The following ADCY2 variants were observed in gnomAD, a reference collection of about 807,000 sequenced individuals.
The protein encoded by ADCY2 is adenylate cyclase 2, also known as adenylate cyclase type 2.
Under a neutral mutation model 125.2 loss-of-function variants are expected in ADCY2, and 31 were observed. The ratio of observed to expected loss-of-function variants is 0.25; its 90% CI spans 0.19 to 0.33. ADCY2 has a LOEUF of 0.33. ADCY2 is among the 10% of genes least tolerant of loss of function. The probability of loss-of-function intolerance (pLI) is 1.00; values close to 1 mark genes in which losing one functional copy is unlikely to be tolerated. For missense variants in ADCY2, 904 were observed against 1,418.2 expected, an observed-to-expected ratio of 0.64 and a Z score of 5.82; for synonymous variants, 512 against 548.4, an observed-to-expected ratio of 0.93 and a Z score of 0.93.
chr5:7,649,024 G>A (rs1464852056), intron 4 of ADCY2, among the ~76,000 whole-genome samples: 1 of 152,062 alleles, frequency 6.6e-6, no homozygotes, highest in Non-Finnish European at 1.5e-5. Flanking sequence ...TTACATAGTG[G>A]GATCCACTTT....
At chr5:7,748,523 C>CAT (rs1742703757) in intron 15 of ADCY2, among the ~76,000 whole-genome samples, 2 of 42,434 alleles carry the variant, frequency 4.7e-5, no homozygotes, top group Non-Finnish European at 1.2e-4. Flanking sequence ...CCCTCCAACA[C>CAT]ACACACACAC....
chr5:7,717,046 ATGTCATC>A, intron 11 of ADCY2, 104 bp from the exon 12 acceptor site: 1 of 662,184 alleles, frequency 1.5e-6, no homozygotes, highest in South Asian at 2.1e-5. Flanking sequence ...ATGCAACAAA[ATGTCATC>A]TGTATCTCAT....
Position 7,557,201 on chromosome 5 carries a change from A to ATATATG in ADCY2, c.570+36302_570+36303insTATATG. 6.8e-4 allele frequency among the ~76,000 whole-genome samples: 95 copies of ATATATG among 140,120 alleles called. 2 individuals carry two copies. Among genetic ancestry groups the ATATATG allele is most frequent in the Non-Finnish European group, 1.2e-3 (77 of 63,442 alleles). The allele number at this position is 140,120 out of a possible 152,430, so 91.9% of individuals were successfully genotyped here. ...CACATATTATATATGTGATATATAT[A>ATATATG]ACTCAAGTGAGTGTATCTAAATGAC... On this transcript the variant is annotated intron_variant, in intron 3 of 24. Transcript: ENST00000338316.
At chr5:7,495,916 A>G (rs1743330624) in intron 2 of ADCY2, among the ~76,000 whole-genome samples, 2 of 152,224 alleles carry the variant, frequency 1.3e-5, no homozygotes, top group African/African-American at 4.8e-5. Context: ...TTATAAAAAT[A>G]ATTTTCTTTC....
At chr5:7,404,414 A>C (rs538023273) in intron 1 of ADCY2, among the ~76,000 whole-genome samples, 38 of 152,318 alleles carry the variant, frequency 2.5e-4, no homozygotes, top group Middle Eastern at 6.8e-3. Context: ...TTCCTGGATT[A>C]ACACAACACA....
At chr5:7,471,491 A>G (rs1561043988) in intron 2 of ADCY2, among the ~76,000 whole-genome samples, 1 of 152,006 alleles carries the variant, frequency 6.6e-6, no homozygotes, top group Non-Finnish European at 1.5e-5. Flanking sequence ...GGCACTTATA[A>G]CAATAGACTC....
intron 19 of ADCY2, among the ~76,000 whole-genome samples, chr5:7,786,501 A>G (rs1351837431): frequency 6.6e-6 from 1 of 152,202 alleles, no homozygotes; most frequent in Non-Finnish European, 1.5e-5. Flanking sequence ...TTTTGAAATG[A>G]TGGAGATATG....
chr5:7,657,628 C>T (rs192542564), intron 4 of ADCY2, among the ~76,000 whole-genome samples: 2 of 152,282 alleles, frequency 1.3e-5, no homozygotes, highest in East Asian at 3.9e-4. Context: ...AAACAAAGTA[C>T]TTAATAGGGG....
At chr5:7,470,560 T>G (rs1447558319) in intron 2 of ADCY2, among the ~76,000 whole-genome samples, 2 of 148,170 alleles carry the variant, frequency 1.3e-5, no homozygotes, top group Admixed American at 1.4e-4. Context: ...ATGTATATAT[T>G]ATATATTATA....
Position 7,570,818 on chromosome 5 carries a change from C to T in ADCY2, c.570+49919C>T, listed in dbSNP as rs372956768. Among the ~76,000 whole-genome samples, 5 of 152,212 alleles carry T rather than the reference C, an allele frequency of 3.3e-5. No individual in the cohort carries two copies. In the South Asian group the frequency reaches 8.3e-4, roughly 25 times the overall value. ...TTAACTTAATTTCATGGGAGTAAAA[C>T]TCTGATGCTATTTATTTGTGTTTAA... On this transcript the variant is annotated intron_variant, in intron 3 of 24. Coordinates refer to ENST00000338316, the MANE Select transcript of ADCY2 (RefSeq NM_020546.3).
At chr5:7,720,917 T>C (rs569945725) in intron 12 of ADCY2, among the ~76,000 whole-genome samples, 4 of 152,354 alleles carry the variant, frequency 2.6e-5, no homozygotes, top group African/African-American at 7.2e-5. Flanking sequence ...TACCCAGTAA[T>C]GGGATGGCTG....
chr5:7,598,465 G>C (rs1023250766), intron 3 of ADCY2, among the ~76,000 whole-genome samples: 5 of 152,214 alleles, frequency 3.3e-5, no homozygotes, highest in African/African-American at 1.2e-4. Flanking sequence ...CCCCTTGGAG[G>C]TTAATTGCAA....
chr5:7,576,358 G>A (rs1042822307), intron 3 of ADCY2, among the ~76,000 whole-genome samples: 2 of 152,326 alleles, frequency 1.3e-5, no homozygotes, highest in East Asian at 1.9e-4. Context: ...ACGGGCAGAG[G>A]CCCGTTAATT....
intron 4 of ADCY2, among the ~76,000 whole-genome samples, chr5:7,642,033 A>G (rs1281521497): frequency 6.6e-6 from 1 of 152,204 alleles, no homozygotes; most frequent in African/African-American, 2.4e-5. Flanking sequence ...TCTTCTAGAT[A>G]TATACCCAGT....
chr5:7,443,710 T>C (rs1741108303), intron 2 of ADCY2, among the ~76,000 whole-genome samples: 1 of 137,594 alleles, frequency 7.3e-6, no homozygotes, highest in Middle Eastern at 4.4e-3. Flanking sequence ...ATATATAATA[T>C]ACATTTTTGA....
At chr5:7,590,567 T>C (rs993128812) in intron 3 of ADCY2, among the ~76,000 whole-genome samples, 3 of 151,840 alleles carry the variant, frequency 2.0e-5, no homozygotes, top group Admixed American at 1.3e-4. Flanking sequence ...CTTGTGACCA[T>C]GTTAAAAAAA....
At position 7,626,196 on chromosome 5, in the gene ADCY2, T is replaced by C; in HGVS notation, c.600T>C (p.Cys200=). The change falls in exon 4 of 25, where the codon TGT becomes TGC. Residue 200 remains cysteine, a synonymous_variant. Coordinates refer to ENST00000338316, the MANE Select transcript of ADCY2 (RefSeq NM_020546.3). The stretch of plus-strand genomic sequence containing the variant: ...TGGCCAATGTGATCATTTTCATCTG[T>C]GGGAACCTGGCGGGAGCCTACCATA... ...QILANVIIFI[C]GNLAGAYHKH... 2.5e-6 allele frequency: 4 copies of C among 1,614,074 alleles called. No homozygotes were observed. Among genetic ancestry groups the C allele is most frequent in the Non-Finnish European group, 3.4e-6 (4 of 1,179,952 alleles).
intron 3 of ADCY2, among the ~76,000 whole-genome samples, chr5:7,567,443 A>C (rs1385688677): frequency 6.6e-6 from 1 of 152,176 alleles, no homozygotes; most frequent in Non-Finnish European, 1.5e-5. Context: ...TTACCAATGA[A>C]GCTGACATTT....
At chr5:7,538,204 C>T (rs1339498888) in intron 3 of ADCY2, among the ~76,000 whole-genome samples, 1 of 152,160 alleles carries the variant, frequency 6.6e-6, no homozygotes, top group Non-Finnish European at 1.5e-5. Context: ...ATACATGTTT[C>T]CCTTTTTCAA....
Sources: gnomAD v4.1 joint callset for allele counts (sites outside exome capture counted in the v4.1 genomes callset) on GRCh38, gnomAD v4.1.1 for gene constraint, MANE v1.5 for transcripts, NCBI Gene and HGNC (gene_info 2026-07-23, HGNC 2026-07-21) for gene names.